Variants in CEACAM19 observed in about 807,000 individuals in gnomAD.
The protein encoded by CEACAM19 is cell adhesion molecule CEACAM19.
In CEACAM19, 37 loss-of-function variants were observed where a neutral mutation model predicts 37.6. The observed-to-expected ratio is 0.98, with a 90% CI of 0.76 to 1.29. The LOEUF is 1.29. CEACAM19 is among the 50% of genes most tolerant of loss of function. The pLI is 0.00. For synonymous variants in CEACAM19, 140 were observed against 149.8 expected (o/e 0.93, Z 0.48); for missense variants, 340 against 375.6 (o/e 0.91, Z 0.78).
Position 44,671,903 on chromosome 19 carries a change from GC to G in CEACAM19, c.-25del. On this transcript the variant is annotated 5_prime_UTR_variant, in exon 1 of 8. Transcript: ENST00000358777. Reference sequence around the variant, plus strand: ...TGGCCCCCTTAGTGTCCAGCTCGTGGCCCCTTGGCATTTCCACAAGACGCCA... The same window carrying G: ...TGGCCCCCTTAGTGTCCAGCTCGTGGCCCTTGGCATTTCCACAAGACGCCA... The G allele has an allele frequency of 6.3e-7, 1 of 1,592,192 alleles. No homozygotes were observed. The highest frequency in any genetic ancestry group is 8.6e-7 in the Non-Finnish European group (1 of 1,168,132).
At chr19:44,668,346 AT>A (rs1238289611), upstream of CEACAM19, among the ~76,000 whole-genome samples, 1 of 3,914 alleles carries the variant, frequency 2.6e-4, no homozygotes, top group Non-Finnish European at 4.6e-4. Flanking sequence ...TATAATATAT[AT>A]AATATATTTA....
At chr19:44,670,605 G>T (rs1973837538), upstream of CEACAM19, among the ~76,000 whole-genome samples, 1 of 151,284 alleles carries the variant, frequency 6.6e-6, no homozygotes, top group South Asian at 2.1e-4. Context: ...AACCTGGGAG[G>T]CGGAGGTTGC....
intron 6 of CEACAM19, among the ~76,000 whole-genome samples, chr19:44,681,878 C>T (rs1974067365): frequency 3.3e-5 from 5 of 151,308 alleles, no homozygotes; most frequent in Non-Finnish European, 7.4e-5. Flanking sequence ...TGCAGTAAGC[C>T]GAGGTCATGC....
At chr19:44,672,421 G>A (rs566857229) in intron 1 of CEACAM19, 175 bp from the exon 2 acceptor site, 175 of 642,552 alleles carry the variant, frequency 2.7e-4, no homozygotes, top group African/African-American at 2.7e-3. Flanking sequence ...TGGTAACCAT[G>A]CCTGTGTTCC....
chr19:44,672,457 A>G (rs1203324414), intron 1 of CEACAM19, 139 bp from the exon 2 acceptor site: 8 of 949,432 alleles, frequency 8.4e-6, no homozygotes, highest in Non-Finnish European at 5.9e-6. Context: ...GGCAGACATC[A>G]CTAATCAATC....
chr19:44,676,998 T>A (rs1003936902), intron 3 of CEACAM19, among the ~76,000 whole-genome samples: 3 of 152,118 alleles, frequency 2.0e-5, no homozygotes, highest in African/African-American at 7.2e-5. Flanking sequence ...AATGACTCCT[T>A]TATATACTCG....
At position 44,671,854 on chromosome 19, in the gene CEACAM19, T is replaced by G; in HGVS notation, c.-78T>G. ...GGGATCCCCACTGAGCTGGCCTACT[T>G]CAGACAGCCAGGGCCCACCCCTCTG... is the stretch of plus-strand genomic sequence containing the variant. On this transcript the variant is annotated 5_prime_UTR_variant, in exon 1 of 8. Transcript: ENST00000358777. 7.4e-7 allele frequency: 1 copy of G among 1,356,520 alleles called. No individual in the cohort carries two copies. The highest frequency in any genetic ancestry group is 1.0e-6 in the Non-Finnish European group (1 of 970,432). 84.0% of individuals were successfully genotyped at this position (1,356,520 alleles called of 1,614,324 possible). A position where few individuals can be genotyped will look rare whatever the true frequency, so the allele number is the denominator to read the frequency against.
At chr19:44,677,082 G>A (rs535102357) in intron 3 of CEACAM19, among the ~76,000 whole-genome samples, 1 of 152,146 alleles carries the variant, frequency 6.6e-6, no homozygotes, top group African/African-American at 2.4e-5. Context: ...TCACTCCCAG[G>A]GGGCCCAGGC....
intron 4 of CEACAM19, among the ~76,000 whole-genome samples, chr19:44,679,612 G>A (rs967786771): frequency 1.3e-5 from 2 of 152,292 alleles, no homozygotes; most frequent in South Asian, 4.1e-4. Context: ...AGCCGGGCAT[G>A]GTGGCAGGTG....
chr19:44,680,269 T>C lies in CEACAM19; in HGVS notation c.660-19T>C, dbSNP rs200589747. ...AGTGTCTCTCTATCCTAATATCAAT[T>C]CCCTCTATGTGTCCCCAGGATGGCG... is the stretch of plus-strand genomic sequence containing the variant. On this transcript the variant is annotated intron_variant, in intron 4 of 7. Transcript: ENST00000358777. 1 of 1,603,812 alleles carries C rather than the reference T, an allele frequency of 6.2e-7. No individual in the cohort carries two copies. Among genetic ancestry groups the C allele is most frequent in the Admixed American group, 1.7e-5 (1 of 59,616 alleles).
upstream of CEACAM19, among the ~76,000 whole-genome samples, chr19:44,668,571 A>G (rs1401278651): frequency 2.7e-4 from 23 of 85,102 alleles, no homozygotes; most frequent in South Asian, 4.9e-3. Flanking sequence ...CATATTATAT[A>G]TGTATATAAT....
upstream of CEACAM19, among the ~76,000 whole-genome samples, chr19:44,668,053 TATATAA>T (rs1414151031): frequency 1.1e-5 from 1 of 87,066 alleles, no homozygotes; most frequent in African/African-American, 4.8e-5. Flanking sequence ...TGTTTATGTA[TATATAA>T]ATATATAATA....
intron 5 of CEACAM19, among the ~76,000 whole-genome samples, chr19:44,680,658 C>A (rs906706853): frequency 2.0e-5 from 3 of 152,100 alleles, no homozygotes; most frequent in African/African-American, 7.2e-5. Flanking sequence ...CAGACCCCTC[C>A]AACCCATCCC....
At chr19:44,676,511 A>C in intron 3 of CEACAM19, 90 bp downstream of exon 3, 2 of 1,294,218 alleles carry the variant, frequency 1.5e-6, no homozygotes, top group Non-Finnish European at 2.2e-6. Context: ...CATCCGGCTC[A>C]TACACAATCT....
intron 6 of CEACAM19, among the ~76,000 whole-genome samples, 178 bp downstream of exon 6, chr19:44,681,490 G>C (rs182694446): frequency 6.6e-6 from 1 of 152,202 alleles, no homozygotes; most frequent in East Asian, 1.9e-4. Flanking sequence ...CAGCACAACA[G>C]AAGCAGCATT....
At chr19:44,675,483 G>C (rs746012107) in intron 2 of CEACAM19, among the ~76,000 whole-genome samples, 1 of 151,968 alleles carries the variant, frequency 6.6e-6, no homozygotes, top group Non-Finnish European at 1.5e-5. Flanking sequence ...CAACCGAAGT[G>C]AGAAAAAGCA....
At chr19:44,668,384 TA>T (rs1973782329), upstream of CEACAM19, among the ~76,000 whole-genome samples, 2 of 55,988 alleles carry the variant, frequency 3.6e-5, 1 homozygote, top group African/African-American at 1.4e-4. Context: ...ATTATATATA[TA>T]ATATATTTAT....
At chr19:44,668,482 A>G (rs1199924348), upstream of CEACAM19, among the ~76,000 whole-genome samples, 4 of 57,744 alleles carry the variant, frequency 6.9e-5, no homozygotes. Context: ...TATAATATAT[A>G]TATTATATAT....
upstream of CEACAM19, among the ~76,000 whole-genome samples, chr19:44,667,702 A>G (rs1173375857): frequency 1.2e-5 from 1 of 80,508 alleles, no homozygotes; most frequent in Non-Finnish European, 2.2e-5. Flanking sequence ...TATAATATAT[A>G]TTATATAAAT....
Sources: gnomAD v4.1 joint callset for allele counts (sites outside exome capture counted in the v4.1 genomes callset) on GRCh38, gnomAD v4.1.1 for gene constraint, MANE v1.5 for transcripts, NCBI Gene and HGNC (gene_info 2026-07-23, HGNC 2026-07-21) for gene names.